Variants in FBH1 observed in about 807,000 individuals in gnomAD.
FBH1 encodes the protein DNA 3'-5' helicase 1.
A neutral mutation model predicts 115.5 loss-of-function variants in FBH1; 43 were observed. The ratio of observed to expected loss-of-function variants is 0.37; its 90% CI spans 0.29 to 0.48. The LOEUF is 0.48. Among genes scored for constraint, FBH1 ranks in the 20% least tolerant of loss-of-function variants. The probability of loss-of-function intolerance (pLI) is 0.99; values close to 1 mark genes in which losing one functional copy is unlikely to be tolerated. For synonymous variants in FBH1, 524 were observed against 507.8 expected, an observed-to-expected ratio of 1.03 and a Z score of -0.43; for missense variants, 1,001 against 1,337.3, an observed-to-expected ratio of 0.75 and a Z score of 3.92.
At chr10:5,904,828 C>T (rs1040513187) in intron 2 of FBH1, among the ~76,000 whole-genome samples, 14 of 151,810 alleles carry the variant, frequency 9.2e-5, no homozygotes, top group African/African-American at 3.1e-4. Flanking sequence ...AACAGTTAAC[C>T]GTTATAATTT....
Position 5,910,646 on chromosome 10 carries a change from C to T in FBH1, c.1021-292C>T, listed in dbSNP as rs1831523756. Among the ~76,000 whole-genome samples the T allele has an allele frequency of 6.6e-6, 1 of 152,072 alleles. No individual in the cohort carries two copies. Reference sequence around the variant, plus strand: ...AGTAGGGTGGGGAGATGACAGGGAGCTCATATTTTTAGACTGTCTCTCTGT... The same window carrying T: ...AGTAGGGTGGGGAGATGACAGGGAGTTCATATTTTTAGACTGTCTCTCTGT... On this transcript the variant is annotated intron_variant, in intron 5 of 20. Transcript: ENST00000362091. The surrounding 1 kb of genome is among the most constrained non-coding windows in gnomAD (Gnocchi z 4.8).
In FBH1 at chr10:5,910,779, C is replaced by T. The variant is rs1286698755; in HGVS notation, c.1021-159C>T. Among the ~76,000 whole-genome samples the T allele has an allele frequency of 1.3e-5, 2 of 152,226 alleles. No homozygotes were observed. The highest frequency in any genetic ancestry group is 2.9e-5 in the Non-Finnish European group (2 of 68,040). ...GTCCAGGGCGAACAGAAGGGCTCCC[C>T]TGTTTCCCAAATACAACTTGGAAAG... On this transcript the variant is annotated intron_variant, in intron 5 of 20. Coordinates refer to ENST00000362091, the MANE Select transcript of FBH1 (RefSeq NM_178150.3). This position sits in a 1 kb window ranked among gnomAD's most constrained non-coding sequence, Gnocchi z 4.8.
Position 5,918,544 on chromosome 10 carries a change from T to A in FBH1, c.2100+66T>A. The A allele has an allele frequency of 6.8e-7, 1 of 1,471,886 alleles. No homozygotes were observed. Among genetic ancestry groups the A allele is most frequent in the Non-Finnish European group, 9.0e-7 (1 of 1,114,888 alleles). 91.2% of individuals were successfully genotyped at this position (1,471,886 alleles called of 1,614,324 possible). On this transcript the variant is annotated intron_variant, in intron 13 of 20. Coordinates refer to ENST00000362091, the MANE Select transcript of FBH1 (RefSeq NM_178150.3). The surrounding 1 kb of genome is among the most constrained non-coding windows in gnomAD (Gnocchi z 4.0). ...CCAATGTCTTACGTGCCAGGCCCTG[T>A]GAAAGGTGGTATGCCAGGCTCACCA...
rs1196062354 is a variant in FBH1, at chr10:5,909,760, G to A, written c.1020+466G>A. On this transcript the variant is annotated intron_variant, in intron 5 of 20. Coordinates refer to ENST00000362091, the MANE Select transcript of FBH1 (RefSeq NM_178150.3). The surrounding 1 kb of genome is among the most constrained non-coding windows in gnomAD (Gnocchi z 4.4). The stretch of plus-strand genomic sequence containing the variant: ...TCTCAGCCCTGTTGCTCCTTTTCCA[G>A]TTCAGGGATTCCCAGATTTTATCTT... Among the ~76,000 whole-genome samples, 1 of 152,178 alleles carries A rather than the reference G, an allele frequency of 6.6e-6. No homozygotes were observed. The highest frequency in any genetic ancestry group is 1.5e-5 in the Non-Finnish European group (1 of 68,034).
chr10:5,936,815 G>A lies in FBH1; in HGVS notation c.2961+228G>A. The A allele has an allele frequency of 4.8e-6, 3 of 625,684 alleles. No individual in the cohort carries two copies. Among genetic ancestry groups the A allele is most frequent in the South Asian group, 2.1e-5 (1 of 47,508 alleles). 38.8% of individuals were successfully genotyped at this position (625,684 alleles called of 1,614,324 possible). A position where few individuals can be genotyped will look rare whatever the true frequency, so the allele number is the denominator to read the frequency against. On this transcript the variant is annotated intron_variant, in intron 20 of 20. Coordinates refer to ENST00000362091, the MANE Select transcript of FBH1 (RefSeq NM_178150.3). The surrounding 1 kb of genome is among the most constrained non-coding windows in gnomAD (Gnocchi z 5.6). ...AGCCGCAGGTCTGGGAGGCTGGGTT[G>A]TGATACACGCTTAGAGAGAGAGCTG...
chr10:5,915,273 C>T lies in FBH1; in HGVS notation c.1397-130C>T. The T allele has an allele frequency of 1.1e-6, 1 of 896,856 alleles. No homozygotes were observed. Among genetic ancestry groups the T allele is most frequent in the Non-Finnish European group, 1.7e-6 (1 of 601,662 alleles). The allele number at this position is 896,856 out of a possible 1,614,324, so 55.6% of individuals were successfully genotyped here. ...CTTTTGGTGGCACTACTTTTACCAGCACTGAAAAACTTGTTACTGTCCTGC... is the reference window on the plus strand; with the variant it reads ...CTTTTGGTGGCACTACTTTTACCAGTACTGAAAAACTTGTTACTGTCCTGC... On this transcript the variant is annotated intron_variant, in intron 8 of 20. Coordinates refer to ENST00000362091, the MANE Select transcript of FBH1 (RefSeq NM_178150.3). The surrounding 1 kb of genome is among the most constrained non-coding windows in gnomAD (Gnocchi z 5.2).
Position 5,911,916 on chromosome 10 carries a change from G to C in FBH1, c.1211+788G>C, listed in dbSNP as rs1267088700. The stretch of plus-strand genomic sequence containing the variant: ...TCACAACTGTGGGGAGAGCAGTTCA[G>C]AGAAGGTATAGATGCCTTAAGGGCC... On this transcript the variant is annotated intron_variant, in intron 6 of 20. Transcript: ENST00000362091. The surrounding 1 kb of genome is among the most constrained non-coding windows in gnomAD (Gnocchi z 5.4). Among the ~76,000 whole-genome samples, 1 of 152,148 alleles carries C rather than the reference G, an allele frequency of 6.6e-6. No individual in the cohort carries two copies. Among genetic ancestry groups the C allele is most frequent in the African/African-American group, 2.4e-5 (1 of 41,438 alleles).
In FBH1 at chr10:5,933,005, C is replaced by T. The variant is rs1357034911; in HGVS notation, c.2830-3451C>T. 6.6e-6 allele frequency among the ~76,000 whole-genome samples: 1 copy of T among 152,112 alleles called. No homozygotes were observed. Among genetic ancestry groups the T allele is most frequent in the Admixed American group, 6.5e-5 (1 of 15,270 alleles). On this transcript the variant is annotated intron_variant, in intron 19 of 20. Coordinates refer to ENST00000362091, the MANE Select transcript of FBH1 (RefSeq NM_178150.3). The surrounding 1 kb of genome is among the most constrained non-coding windows in gnomAD (Gnocchi z 4.9). ...GTGCTAGGATTACAGGCATGAGCCACTGCACCTGGCCAAGTGTGACTTTTC... is the reference window on the plus strand; with the variant it reads ...GTGCTAGGATTACAGGCATGAGCCATTGCACCTGGCCAAGTGTGACTTTTC...
At position 5,903,119 on chromosome 10, in the gene FBH1, A is replaced by T; in HGVS notation, c.101A>T (p.Asn34Ile). The part of the protein sequence containing the change: ...VTQPFGQRWT[N>I]RDPNHGLYPK... Reference sequence around the variant, plus strand: ...CAGCCCTTCGGTCAAAGATGGACAAACAGAGATCCGAACCATGGTCTCTAT... The same window carrying T: ...CAGCCCTTCGGTCAAAGATGGACAATCAGAGATCCGAACCATGGTCTCTAT... The change falls in exon 2 of 21, where the codon AAC (asparagine) becomes ATC (isoleucine). Residue 34 changes from asparagine to isoleucine, a missense_variant. Coordinates refer to ENST00000362091, the MANE Select transcript of FBH1 (RefSeq NM_178150.3). 6.2e-7 allele frequency: 1 copy of T among 1,613,890 alleles called. No homozygotes were observed.
In FBH1 at chr10:5,932,729, TG is replaced by T. The variant is rs1833033194; in HGVS notation, c.2830-3726del. 6.6e-6 allele frequency among the ~76,000 whole-genome samples: 1 copy of T among 152,188 alleles called. No homozygotes were observed. Among genetic ancestry groups the T allele is most frequent in the Non-Finnish European group, 1.5e-5 (1 of 68,034 alleles). Reference sequence around the variant, plus strand: ...ACTTTTCTGTTGTTTTGTTTTGTTTTGTTTTTGAGACAAGGCCTGGCTCTGT... The same window carrying T: ...ACTTTTCTGTTGTTTTGTTTTGTTTTTTTTTGAGACAAGGCCTGGCTCTGT... On this transcript the variant is annotated intron_variant, in intron 19 of 20. Transcript: ENST00000362091. This position sits in a 1 kb window ranked among gnomAD's most constrained non-coding sequence, Gnocchi z 5.9.
chr10:5,917,731 A>G lies in FBH1; in HGVS notation c.1963+55A>G. ...TCAAATACGTAGAAACAGCGCCATG[A>G]TTATGTAAGAGGACACCTGTGTGAA... On this transcript the variant is annotated intron_variant, in intron 12 of 20. Transcript: ENST00000362091. This position sits in a 1 kb window ranked among gnomAD's most constrained non-coding sequence, Gnocchi z 5.6. 1 of 1,340,722 alleles carries G rather than the reference A, an allele frequency of 7.5e-7. No individual in the cohort carries two copies. Among genetic ancestry groups the G allele is most frequent in the Non-Finnish European group, 1.1e-6 (1 of 942,832 alleles). 83.1% of individuals were successfully genotyped at this position (1,340,722 alleles called of 1,614,324 possible). A position where few individuals can be genotyped will look rare whatever the true frequency, so the allele number is the denominator to read the frequency against.
At chr10:5,898,923 A>G (rs1222693443) in intron 1 of FBH1, among the ~76,000 whole-genome samples, 1 of 152,126 alleles carries the variant, frequency 6.6e-6, no homozygotes, top group African/African-American at 2.4e-5. Flanking sequence ...AGACATCTCC[A>G]TCTCATTGAT....
chr10:5,910,035 A>G lies in FBH1; in HGVS notation c.1020+741A>G, dbSNP rs1226584251. ...GGTGGCTCACGCCTGTTATCCCAGC[A>G]CTTTGTGAGGCCAAGGCGGGTGGAT... On this transcript the variant is annotated intron_variant, in intron 5 of 20. Coordinates refer to ENST00000362091, the MANE Select transcript of FBH1 (RefSeq NM_178150.3). The surrounding 1 kb of genome is among the most constrained non-coding windows in gnomAD (Gnocchi z 4.8). 3.3e-5 allele frequency among the ~76,000 whole-genome samples: 5 copies of G among 152,218 alleles called. No homozygotes were observed.
At position 5,911,157 on chromosome 10, in the gene FBH1, G is replaced by A. The variant is rs780712015; in HGVS notation, c.1211+29G>A. On this transcript the variant is annotated intron_variant, in intron 6 of 20. Coordinates refer to ENST00000362091, the MANE Select transcript of FBH1 (RefSeq NM_178150.3). The surrounding 1 kb of genome is among the most constrained non-coding windows in gnomAD (Gnocchi z 5.4). Reference sequence around the variant, plus strand: ...ATGCCCCGGGAGGAGGGGAGGGGATGCTGTGATAATGGGAGAGTCCCAGAC... The same window carrying A: ...ATGCCCCGGGAGGAGGGGAGGGGATACTGTGATAATGGGAGAGTCCCAGAC... 4.5e-5 allele frequency: 71 copies of A among 1,589,918 alleles called. No homozygotes were observed. Among genetic ancestry groups the A allele is most frequent in the Non-Finnish European group, 6.0e-5 (70 of 1,166,198 alleles).
At position 5,911,569 on chromosome 10, in the gene FBH1, C is replaced by T. The variant is rs553977622; in HGVS notation, c.1211+441C>T. Among the ~76,000 whole-genome samples the T allele has an allele frequency of 1.3e-5, 2 of 152,054 alleles. No homozygotes were observed. Among genetic ancestry groups the T allele is most frequent in the African/African-American group, 2.4e-5 (1 of 41,392 alleles). Reference sequence around the variant, plus strand: ...GTCGGCTGCTGATTCACAGGGGCCCCGATGGTTTCCTCAGCAGGGTGGGGA... The same window carrying T: ...GTCGGCTGCTGATTCACAGGGGCCCTGATGGTTTCCTCAGCAGGGTGGGGA... On this transcript the variant is annotated intron_variant, in intron 6 of 20. Transcript: ENST00000362091. This position sits in a 1 kb window ranked among gnomAD's most constrained non-coding sequence, Gnocchi z 5.4.
chr10:5,919,226 C>G (rs1832165485), intron 13 of FBH1, among the ~76,000 whole-genome samples: 1 of 152,134 alleles, frequency 6.6e-6, no homozygotes, highest in South Asian at 2.1e-4. Context: ...TGGCTCATGC[C>G]TGTAATCCCA....
chr10:5,891,057 G>A (rs1842690498), intron 1 of FBH1: 1 of 665,432 alleles, frequency 1.5e-6, no homozygotes, highest in Admixed American at 6.3e-5. Context: ...CATCAGTAGG[G>A]TTTTACAGGT....
rs901166539 is a variant in FBH1 at position 5,936,871 on chromosome 10, G to T, written c.2962-239G>T. The T allele has an allele frequency of 1.2e-5, 7 of 604,346 alleles. No homozygotes were observed. Among genetic ancestry groups the T allele is most frequent in the Non-Finnish European group, 1.7e-5 (6 of 349,596 alleles). 37.4% of individuals were successfully genotyped at this position (604,346 alleles called of 1,614,324 possible). On this transcript the variant is annotated intron_variant, in intron 20 of 20. Coordinates refer to ENST00000362091, the MANE Select transcript of FBH1 (RefSeq NM_178150.3). This position sits in a 1 kb window ranked among gnomAD's most constrained non-coding sequence, Gnocchi z 5.6. ...TGGGGTCCCAGCGCAGCTTTTCTTG[G>T]TTCTTTATCTTGACTGGATAAATGA...
intron 19 of FBH1, among the ~76,000 whole-genome samples, chr10:5,928,072 C>CAAAAAA (rs1010342333): frequency 4.0e-5 from 1 of 24,756 alleles, no homozygotes; most frequent in African/African-American, 1.2e-4. Context: ...GACTCCATCT[C>CAAAAAA]AAAAAAAAAA....
Sources: gnomAD v4.1 joint callset for allele counts (sites outside exome capture counted in the v4.1 genomes callset) on GRCh38, gnomAD v4.1.1 for gene constraint, Gnocchi (gnomAD v3.1) non-coding constraint, MANE v1.5 for transcripts, NCBI Gene and HGNC (gene_info 2026-07-23, HGNC 2026-07-21) for gene names.